The following KCNQ1 variants were observed in gnomAD, a reference collection of about 807,000 sequenced individuals.
KCNQ1 encodes potassium voltage-gated channel subfamily KQT member 1.
KCNQ1 carries 49 observed loss-of-function variants against 72.4 expected under a neutral mutation model. The ratio of observed to expected loss-of-function variants is 0.68; its 90% CI spans 0.54 to 0.86. KCNQ1 has a LOEUF of 0.86. KCNQ1 is among the 40% of genes least tolerant of loss of function. The probability of loss-of-function intolerance (pLI) is 0.00; values close to 1 mark genes in which losing one functional copy is unlikely to be tolerated. For missense variants in KCNQ1, 790 were observed against 945.1 expected, an observed-to-expected ratio of 0.84 and a Z score of 2.15; for synonymous variants, 450 against 412.6, an observed-to-expected ratio of 1.09 and a Z score of -1.10.
rs982285455 is a variant in KCNQ1 at position 2,742,815 on chromosome 11, A to G, written c.1515-26029A>G. On this transcript the variant is annotated intron_variant, in intron 11 of 15. Coordinates refer to ENST00000155840, the MANE Select transcript of KCNQ1 (RefSeq NM_000218.3). ...GCTGCTGAGGGAATGCAGGTCAAAC[A>G]AAGTAGGCCAGCGGCTTAGGGACCC... Among the ~76,000 whole-genome samples, 88 of 152,166 alleles carry G rather than the reference A, an allele frequency of 5.8e-4. 7 individuals carry two copies. The highest frequency in any genetic ancestry group is 1.5e-5 in the Non-Finnish European group (1 of 68,024).
At chr11:2,465,797 G>A (rs1463663259) in intron 1 of KCNQ1, among the ~76,000 whole-genome samples, 1 of 152,350 alleles carries the variant, frequency 6.6e-6, no homozygotes, top group Admixed American at 6.5e-5. Flanking sequence ...AACAATGAAT[G>A]GTACAGATCC....
rs890289215 is a variant in KCNQ1 at position 2,816,707 on chromosome 11, C to T, written c.1795-31060C>T. ...TGCTCCTGGAACATTCTGGCTCACT[C>T]CCGCCTCAGGCCCACTGCCCTGGCT... On this transcript the variant is annotated intron_variant, in intron 15 of 15. Transcript: ENST00000155840. The surrounding 1 kb of genome is among the most constrained non-coding windows in gnomAD (Gnocchi z 6.8). Among the ~76,000 whole-genome samples, 1 of 152,116 alleles carries T rather than the reference C, an allele frequency of 6.6e-6. No individual in the cohort carries two copies. The highest frequency in any genetic ancestry group is 6.5e-5 in the Admixed American group (1 of 15,278).
intron 15 of KCNQ1, among the ~76,000 whole-genome samples, chr11:2,799,824 G>A (rs578244600): frequency 1.1e-4 from 17 of 152,238 alleles, no homozygotes; most frequent in South Asian, 4.2e-4. Context: ...GAAATGAGTC[G>A]GCAGGCTGCA....
chr11:2,503,319 C>T (rs1212723861), intron 1 of KCNQ1, among the ~76,000 whole-genome samples: 1 of 152,116 alleles, frequency 6.6e-6, no homozygotes, highest in African/African-American at 2.4e-5. Context: ...CAAACAACCG[C>T]ACAAGGAAAA....
chr11:2,553,899 T>C (rs532573052), intron 2 of KCNQ1, among the ~76,000 whole-genome samples: 2 of 152,096 alleles, frequency 1.3e-5, no homozygotes, highest in East Asian at 3.9e-4. Context: ...TATTTTTAGG[T>C]AGAGATAGGG....
chr11:2,846,491 GCCA>G (rs1347989729), intron 15 of KCNQ1, among the ~76,000 whole-genome samples: 3 of 152,178 alleles, frequency 2.0e-5, no homozygotes, highest in Non-Finnish European at 4.4e-5. Flanking sequence ...GTCTCCTGTG[GCCA>G]CCAACAGAGC....
At chr11:2,643,308 T>C (rs1385477656) in intron 10 of KCNQ1, 2 of 398,268 alleles carry the variant, frequency 5.0e-6, no homozygotes, top group Admixed American at 4.4e-5. Flanking sequence ...CCCTTCAGAT[T>C]TGATGTTTGC....
intron 11 of KCNQ1, among the ~76,000 whole-genome samples, chr11:2,743,604 T>A (rs1277227346): frequency 6.6e-6 from 1 of 152,184 alleles, no homozygotes; most frequent in African/African-American, 2.4e-5. Flanking sequence ...TATGGGGACT[T>A]GCGTCTCCCC....
Position 2,668,770 on chromosome 11 carries a change from G to T in KCNQ1, c.1514+6689G>T. On this transcript the variant is annotated intron_variant, in intron 11 of 15. Transcript: ENST00000155840. This position sits in a 1 kb window ranked among gnomAD's most constrained non-coding sequence, Gnocchi z 4.3. ...CAGGCTGCCTTCTTCCTCTCTTGATGGTGTCTTTTGATGAACAGAAGGTCT... is the reference window on the plus strand; with the variant it reads ...CAGGCTGCCTTCTTCCTCTCTTGATTGTGTCTTTTGATGAACAGAAGGTCT... The T allele has an allele frequency of 2.5e-6, 1 of 398,518 alleles. No individual in the cohort carries two copies. The highest frequency in any genetic ancestry group is 4.4e-6 in the Non-Finnish European group (1 of 226,056). 24.7% of individuals were successfully genotyped at this position (398,518 alleles called of 1,614,324 possible). A position where few individuals can be genotyped will look rare whatever the true frequency, so the allele number is the denominator to read the frequency against.
intron 2 of KCNQ1, among the ~76,000 whole-genome samples, chr11:2,570,316 C>T (rs1187615366): frequency 6.6e-6 from 1 of 152,212 alleles, no homozygotes; most frequent in African/African-American, 2.4e-5. Context: ...GCTGGGGTTC[C>T]TGGTGTGGGG....
In KCNQ1 at chr11:2,640,233, G is replaced by A. The variant is rs114086846; in HGVS notation, c.1394-21728G>A. ...ACTGTCCTGTACCCACTGTCTTGAC[G>A]AGCCCCAGTGAGATGAACCCACTAC... On this transcript the variant is annotated intron_variant, in intron 10 of 15. Coordinates refer to ENST00000155840, the MANE Select transcript of KCNQ1 (RefSeq NM_000218.3). The A allele has an allele frequency of 1.8e-3, 695 of 395,630 alleles. 8 individuals are homozygous for A. Among genetic ancestry groups the A allele is most frequent in the African/African-American group, 0.013 (637 of 48,696 alleles). 24.5% of individuals were successfully genotyped at this position (395,630 alleles called of 1,614,324 possible).
chr11:2,660,874 A>G (rs780451720), intron 10 of KCNQ1: 6 of 398,550 alleles, frequency 1.5e-5, no homozygotes, highest in Non-Finnish European at 2.7e-5. Flanking sequence ...ATAAAGATGA[A>G]TATGGCATCA....
At chr11:2,577,043 G>A (rs1032964905) in intron 6 of KCNQ1, among the ~76,000 whole-genome samples, 29 of 152,236 alleles carry the variant, frequency 1.9e-4, no homozygotes, top group African/African-American at 6.8e-4. Context: ...TGCAGGGCCC[G>A]CTGCAAGGGC....
chr11:2,537,517 G>A lies in KCNQ1; in HGVS notation c.477+9499G>A, dbSNP rs1171571860. On this transcript the variant is annotated intron_variant, in intron 2 of 15. Coordinates refer to ENST00000155840, the MANE Select transcript of KCNQ1 (RefSeq NM_000218.3). This position sits in a 1 kb window ranked among gnomAD's most constrained non-coding sequence, Gnocchi z 5.2. ...TTCTACAGTGCCCAGGTTGGCGCAG[G>A]GCCTTTTGGTTCCACAGTCTGTGTC... is the stretch of plus-strand genomic sequence containing the variant. Among the ~76,000 whole-genome samples the A allele has an allele frequency of 2.0e-5, 3 of 151,968 alleles. No individual in the cohort carries two copies. Among genetic ancestry groups the A allele is most frequent in the Non-Finnish European group, 4.4e-5 (3 of 68,018 alleles).
intron 1 of KCNQ1, among the ~76,000 whole-genome samples, chr11:2,445,861 T>C (rs1000052248): frequency 3.9e-5 from 6 of 152,020 alleles, no homozygotes; most frequent in Admixed American, 3.9e-4. Flanking sequence ...CGGCTGAGAC[T>C]CGAGGCTCAG....
chr11:2,716,482 C>G (rs1851094351), intron 11 of KCNQ1, among the ~76,000 whole-genome samples: 1 of 152,114 alleles, frequency 6.6e-6, no homozygotes, highest in Non-Finnish European at 1.5e-5. Context: ...AGCAGAAAAG[C>G]CTTGTCCCCA....
At position 2,516,713 on chromosome 11, in the gene KCNQ1, T is replaced by C. The variant is rs1202507980; in HGVS notation, c.387-11215T>C. On this transcript the variant is annotated intron_variant, in intron 1 of 15. Coordinates refer to ENST00000155840, the MANE Select transcript of KCNQ1 (RefSeq NM_000218.3). The surrounding 1 kb of genome is among the most constrained non-coding windows in gnomAD (Gnocchi z 7.0). Reference sequence around the variant, plus strand: ...CCACCACCTGATTTTGTCGATAAAGTTTTATTAGGACACAGCCATGCCCGG... The same window carrying C: ...CCACCACCTGATTTTGTCGATAAAGCTTTATTAGGACACAGCCATGCCCGG... Among the ~76,000 whole-genome samples the C allele has an allele frequency of 2.0e-5, 3 of 152,072 alleles. No individual in the cohort carries two copies. The highest frequency in any genetic ancestry group is 4.4e-5 in the Non-Finnish European group (3 of 68,012).
rs1245535480 is a variant in KCNQ1, at chr11:2,497,507, C to T, written c.387-30421C>T. On this transcript the variant is annotated intron_variant, in intron 1 of 15. Coordinates refer to ENST00000155840, the MANE Select transcript of KCNQ1 (RefSeq NM_000218.3). The surrounding 1 kb of genome is among the most constrained non-coding windows in gnomAD (Gnocchi z 4.5). ...CACAAAGTTCTCATGCTGTGTTTTT[C>T]AGCTCCATGAGGTCATTTATGTTCC... Among the ~76,000 whole-genome samples, 1 of 152,126 alleles carries T rather than the reference C, an allele frequency of 6.6e-6. No homozygotes were observed. Among genetic ancestry groups the T allele is most frequent in the Non-Finnish European group, 1.5e-5 (1 of 68,032 alleles).
rs1846453283 is a variant in KCNQ1 at position 2,471,391 on chromosome 11, C to A, written c.386+25907C>A. Among the ~76,000 whole-genome samples the A allele has an allele frequency of 6.6e-6, 1 of 152,186 alleles. No individual in the cohort carries two copies. Among genetic ancestry groups the A allele is most frequent in the Non-Finnish European group, 1.5e-5 (1 of 68,030 alleles). ...AACCCTGACCCAAGTGTCCTTCACG[C>A]TCAGCAACGCCACAGCCTCTGACAC... is the stretch of plus-strand genomic sequence containing the variant. On this transcript the variant is annotated intron_variant, in intron 1 of 15. Transcript: ENST00000155840. The surrounding 1 kb of genome is among the most constrained non-coding windows in gnomAD (Gnocchi z 4.8).
Sources: gnomAD v4.1 joint callset for allele counts (sites outside exome capture counted in the v4.1 genomes callset) on GRCh38, gnomAD v4.1.1 for gene constraint, Gnocchi (gnomAD v3.1) non-coding constraint, MANE v1.5 for transcripts, NCBI Gene and HGNC (gene_info 2026-07-23, HGNC 2026-07-21) for gene names.